The following ERBB4 variants were observed in gnomAD, a reference collection of about 807,000 sequenced individuals.
ERBB4 encodes the protein erb-b2 receptor tyrosine kinase 4.
In ERBB4, 42 loss-of-function variants were observed where a neutral mutation model predicts 158.0. The observed-to-expected ratio is 0.27, with a 90% CI of 0.21 to 0.34. The LOEUF (loss-of-function observed/expected upper bound fraction) is 0.34, where lower values mean the gene tolerates loss of function less well. Ranked by LOEUF, ERBB4 falls within the 10% of genes least tolerant of loss-of-function variation. The pLI is 1.00. For synonymous variants in ERBB4, 583 were observed against 558.7 expected (o/e 1.04, Z -0.61); for missense variants, 1,333 against 1,624.1 (o/e 0.82, Z 3.08).
chr2:212,210,269 T>A (rs1239537433), intron 1 of ERBB4, among the ~76,000 whole-genome samples: 3 of 150,846 alleles, frequency 2.0e-5, no homozygotes, highest in Non-Finnish European at 3.0e-5. Flanking sequence ...ATGAACAATT[T>A]CCCATATGAT....
At chr2:211,397,473 C>T (rs973873878) in intron 25 of ERBB4, among the ~76,000 whole-genome samples, 1 of 152,122 alleles carries the variant, frequency 6.6e-6, no homozygotes, top group Non-Finnish European at 1.5e-5. Context: ...TCATTTAAAT[C>T]TGCCATTGGT....
At chr2:211,577,401 C>T (rs974003289) in intron 19 of ERBB4, among the ~76,000 whole-genome samples, 7 of 151,906 alleles carry the variant, frequency 4.6e-5, no homozygotes, top group Admixed American at 4.6e-4. Context: ...AACAGATAAT[C>T]AAGTACCTTG....
chr2:211,566,296 G>C (rs995129284), intron 19 of ERBB4, among the ~76,000 whole-genome samples: 1 of 152,150 alleles, frequency 6.6e-6, no homozygotes, highest in Non-Finnish European at 1.5e-5. Flanking sequence ...ATTCAACATG[G>C]GGATCAGAAC....
chr2:212,001,341 A>G (rs971808177), intron 2 of ERBB4, among the ~76,000 whole-genome samples: 1 of 152,084 alleles, frequency 6.6e-6, no homozygotes, highest in Non-Finnish European at 1.5e-5. Flanking sequence ...GTGTGTCCTT[A>G]GATTACTATA....
intron 2 of ERBB4, among the ~76,000 whole-genome samples, chr2:212,108,264 T>G (rs1366533276): frequency 6.6e-6 from 1 of 152,140 alleles, no homozygotes; most frequent in African/African-American, 2.4e-5. Context: ...GAGGGTAGAT[T>G]CAAACACTTC....
At chr2:212,322,335 T>C (rs757386311) in intron 1 of ERBB4, among the ~76,000 whole-genome samples, 11 of 150,086 alleles carry the variant, frequency 7.3e-5, no homozygotes, top group African/African-American at 1.7e-4. Flanking sequence ...GCTGTGAAGA[T>C]TGCCTATGAC....
At chr2:211,562,220 A>C (rs887572364) in intron 19 of ERBB4, 132 bp from the exon 20 acceptor site, 3 of 751,268 alleles carry the variant, frequency 4.0e-6, no homozygotes, top group Non-Finnish European at 6.8e-6. Flanking sequence ...CAAAATGAAA[A>C]GACATAATTT....
At chr2:212,083,548 C>T (rs1489867015) in intron 2 of ERBB4, among the ~76,000 whole-genome samples, 1 of 151,558 alleles carries the variant, frequency 6.6e-6, no homozygotes, top group African/African-American at 2.4e-5. Flanking sequence ...AGAATGTGGG[C>T]TGGAACATAA....
chr2:212,056,937 T>G (rs563590698), intron 2 of ERBB4, among the ~76,000 whole-genome samples: 18 of 152,112 alleles, frequency 1.2e-4, no homozygotes, highest in Non-Finnish European at 1.9e-4. Flanking sequence ...AATATTAACC[T>G]TAAGTGTAAA....
At chr2:211,499,245 C>A (rs759494834) in intron 20 of ERBB4, among the ~76,000 whole-genome samples, 31 of 152,032 alleles carry the variant, frequency 2.0e-4, no homozygotes, top group Non-Finnish European at 3.7e-4. Flanking sequence ...GTGACTCAGG[C>A]CGGGTGCCGT....
chr2:212,405,222 C>T (rs555566111), intron 1 of ERBB4, among the ~76,000 whole-genome samples: 1 of 151,882 alleles, frequency 6.6e-6, no homozygotes. Flanking sequence ...ATGCGGCCAA[C>T]AAGCATATGA....
chr2:212,538,334 C>T, intron 1 of ERBB4, 115 bp downstream of exon 1: 1 of 893,418 alleles, frequency 1.1e-6, no homozygotes. Context: ...GAAGAGGCCC[C>T]GGTCAAGCGG....
rs151305202 is a variant in ERBB4, at chr2:212,173,989, T to C, written c.83-49086A>G. On this transcript the variant is annotated intron_variant, in intron 1 of 27. Coordinates refer to ENST00000342788, the MANE Select transcript of ERBB4 (RefSeq NM_005235.3). ...GAAGTAGAGGAAGTGAGTCTGACTGTATAAACACACCTCAGGGCTGCTACT... is the reference window on the plus strand; with the variant it reads ...GAAGTAGAGGAAGTGAGTCTGACTGCATAAACACACCTCAGGGCTGCTACT... Among the ~76,000 whole-genome samples the C allele has an allele frequency of 2.6e-3, 393 of 152,256 alleles. 3 individuals carry two copies. Among genetic ancestry groups the C allele is most frequent in the African/African-American group, 9.1e-3 (377 of 41,560 alleles).
intron 1 of ERBB4, among the ~76,000 whole-genome samples, chr2:212,244,040 T>C (rs1026387982): frequency 6.6e-6 from 1 of 152,078 alleles, no homozygotes; most frequent in Non-Finnish European, 1.5e-5. Context: ...TTAATATTGA[T>C]TATGTACACG....
chr2:212,320,116 C>G (rs149474834), intron 1 of ERBB4, among the ~76,000 whole-genome samples: 1 of 149,878 alleles, frequency 6.7e-6, no homozygotes, highest in Non-Finnish European at 1.5e-5. Flanking sequence ...GGGAAAATTA[C>G]GGATTAGGGT....
intron 1 of ERBB4, among the ~76,000 whole-genome samples, chr2:212,438,141 G>A (rs984050597): frequency 6.6e-6 from 1 of 151,688 alleles, no homozygotes; most frequent in Admixed American, 6.6e-5. Context: ...ACATCTACCA[G>A]GTAAATTTAA....
At chr2:211,958,627 C>G (rs556285743) in intron 2 of ERBB4, among the ~76,000 whole-genome samples, 7 of 152,164 alleles carry the variant, frequency 4.6e-5, no homozygotes, top group African/African-American at 1.7e-4. Context: ...AAAACAACAA[C>G]AAGATCGCTC....
chr2:211,423,083 G>A (rs2063547079), intron 23 of ERBB4, among the ~76,000 whole-genome samples: 1 of 151,616 alleles, frequency 6.6e-6, no homozygotes, highest in Non-Finnish European at 1.5e-5. Context: ...TATTCTATAT[G>A]CATTCATTTG....
intron 3 of ERBB4, among the ~76,000 whole-genome samples, chr2:211,834,780 A>G (rs996670353): frequency 8.5e-5 from 13 of 152,242 alleles, no homozygotes; most frequent in African/African-American, 3.1e-4. Context: ...CTTGTTCAGC[A>G]GCAGGGTCAA....
Sources: gnomAD v4.1 joint callset for allele counts (sites outside exome capture counted in the v4.1 genomes callset) on GRCh38, gnomAD v4.1.1 for gene constraint, MANE v1.5 for transcripts, NCBI Gene and HGNC (gene_info 2026-07-23, HGNC 2026-07-21) for gene names.